MXI1: variants seen among roughly 807,000 people sequenced by gnomAD.
MXI1 encodes MAX interactor 1, dimerization protein.
MXI1 carries 18 observed loss-of-function variants against 36.9 expected under a neutral mutation model. The ratio of observed to expected loss-of-function variants is 0.49; its 90% CI spans 0.34 to 0.72. MXI1 has a LOEUF of 0.72. MXI1 is among the 30% of genes least tolerant of loss of function. The pLI is 0.01. For missense variants in MXI1, 304 were observed against 379.1 expected (o/e 0.80, Z 1.64); for synonymous variants, 160 against 146.7 (o/e 1.09, Z -0.65).
At chr10:110,232,461 G>A (rs918227094) in intron 2 of MXI1, among the ~76,000 whole-genome samples, 7 of 152,208 alleles carry the variant, frequency 4.6e-5, no homozygotes, top group South Asian at 2.1e-4. Context: ...AGTAGATCAG[G>A]TCTTCACATA....
chr10:110,260,026 G>A (rs561930198), intron 3 of MXI1, among the ~76,000 whole-genome samples: 1 of 151,846 alleles, frequency 6.6e-6, no homozygotes, highest in South Asian at 2.1e-4. Flanking sequence ...TTGTTTTGTT[G>A]TTATTTTGGG....
At chr10:110,271,002 T>G (rs112000697) in intron 3 of MXI1, among the ~76,000 whole-genome samples, 8,047 of 151,540 alleles carry the variant, frequency 0.053, 326 homozygotes, top group Middle Eastern at 0.15. Flanking sequence ...TGAGGCAGGA[T>G]AATTGCTTGA....
Position 110,207,700 on chromosome 10 carries a change from GC to G in MXI1, c.-105del. On this transcript the variant is annotated 5_prime_UTR_variant, in exon 1 of 6. Coordinates refer to ENST00000332674, the MANE Select transcript of MXI1 (RefSeq NM_130439.3). ...GCTCGGGAAGTCAGGCCGGCTTTTC[GC>G]CCCGGCGCCTTCTCTGCTCCAGCCG... 1.5e-6 allele frequency: 1 copy of G among 687,254 alleles called. No homozygotes were observed. The highest frequency in any genetic ancestry group is 1.8e-6 in the Non-Finnish European group (1 of 550,578). 42.6% of individuals were successfully genotyped at this position (687,254 alleles called of 1,614,324 possible).
At chr10:110,276,247 A>G (rs545823300) in intron 3 of MXI1, among the ~76,000 whole-genome samples, 2 of 152,272 alleles carry the variant, frequency 1.3e-5, no homozygotes, top group African/African-American at 2.4e-5. Flanking sequence ...CACAAATTCT[A>G]TATTATTCAA....
chr10:110,236,124 CTTTTTTTTTTTTTTTTTTTTT>C (rs60576710), intron 2 of MXI1, among the ~76,000 whole-genome samples: 11 of 33,540 alleles, frequency 3.3e-4, no homozygotes, highest in South Asian at 1.1e-3. Flanking sequence ...GGTTGAAGTT[CTTTTTTTTTTTTTTTTTTTTT>C]TTTTTTTTTT....
chr10:110,210,057 C>G (rs1260737542), intron 1 of MXI1, among the ~76,000 whole-genome samples: 1 of 144,442 alleles, frequency 6.9e-6, no homozygotes, highest in African/African-American at 2.6e-5. Context: ...CCCACCCCGC[C>G]GCCCTGGCCG....
intron 2 of MXI1, among the ~76,000 whole-genome samples, chr10:110,243,827 G>A (rs569907975): frequency 1.3e-5 from 2 of 151,942 alleles, no homozygotes; most frequent in Non-Finnish European, 2.9e-5. Flanking sequence ...TGAGGAAACC[G>A]AGCACAGAGA....
intron 2 of MXI1, among the ~76,000 whole-genome samples, chr10:110,229,442 G>C (rs1855181704): frequency 6.6e-6 from 1 of 152,126 alleles, no homozygotes; most frequent in Non-Finnish European, 1.5e-5. Flanking sequence ...GATTCAGAAA[G>C]CCTGAGGCTT....
chr10:110,271,605 T>C (rs964581611), intron 3 of MXI1, among the ~76,000 whole-genome samples: 2 of 152,154 alleles, frequency 1.3e-5, no homozygotes, highest in Non-Finnish European at 2.9e-5. Context: ...GGTAGAGATA[T>C]TGGCAAGTAT....
chr10:110,262,550 T>C (rs1342254093), intron 3 of MXI1, among the ~76,000 whole-genome samples: 3 of 152,168 alleles, frequency 2.0e-5, no homozygotes, highest in Admixed American at 1.3e-4. Flanking sequence ...GATTTTATTG[T>C]CATAGTTTCT....
chr10:110,246,913 C>T (rs1475728052), intron 3 of MXI1, among the ~76,000 whole-genome samples: 17 of 152,056 alleles, frequency 1.1e-4, no homozygotes, highest in Admixed American at 1.1e-3. Context: ...TTCTGAGGCT[C>T]CTAAAAATAA....
chr10:110,215,532 C>A (rs374333803), intron 1 of MXI1, among the ~76,000 whole-genome samples: 1 of 152,120 alleles, frequency 6.6e-6, no homozygotes, highest in East Asian at 1.9e-4. Context: ...CTACCTGATA[C>A]GAGAATGGGT....
intron 1 of MXI1, among the ~76,000 whole-genome samples, chr10:110,222,962 C>T (rs1004282698): frequency 1.3e-5 from 2 of 152,220 alleles, no homozygotes; most frequent in Admixed American, 1.3e-4. Context: ...TTAGAAAAGG[C>T]TGGAGATTTC....
intron 2 of MXI1, 123 bp downstream of exon 2, chr10:110,228,444 C>G: frequency 2.5e-6 from 3 of 1,196,038 alleles, no homozygotes; most frequent in Non-Finnish European, 3.5e-6. Flanking sequence ...GGATTTGGCC[C>G]TTTTAAAATA....
At chr10:110,250,361 G>A (rs990354676) in intron 3 of MXI1, among the ~76,000 whole-genome samples, 3 of 152,136 alleles carry the variant, frequency 2.0e-5, no homozygotes, top group African/African-American at 7.2e-5. Flanking sequence ...TCATCTCATG[G>A]TAAACTTAAT....
chr10:110,272,229 T>G (rs1248012359), intron 3 of MXI1, among the ~76,000 whole-genome samples: 1 of 152,202 alleles, frequency 6.6e-6, no homozygotes, highest in African/African-American at 2.4e-5. Context: ...CATATCAGAC[T>G]TAGGATTTTT....
Position 110,224,541 on chromosome 10 carries a change from A to G in MXI1, c.275-3648A>G, listed in dbSNP as rs552257576. Among the ~76,000 whole-genome samples the G allele has an allele frequency of 3.9e-5, 6 of 152,302 alleles. No individual in the cohort carries two copies. The South Asian group carries it at 1.0e-3, about 26-fold the overall frequency. On this transcript the variant is annotated intron_variant, in intron 1 of 5. Transcript: ENST00000332674. ...AGGAATTACCCAGATCAAAATGTCA[A>G]TGATGCTAAAGTTGAGAAACCCTGG...
At chr10:110,217,662 A>G (rs1178676024) in intron 1 of MXI1, among the ~76,000 whole-genome samples, 1 of 152,226 alleles carries the variant, frequency 6.6e-6, no homozygotes, top group Non-Finnish European at 1.5e-5. Context: ...AAGTTCAACA[A>G]ATAATTTCTA....
intron 3 of MXI1, among the ~76,000 whole-genome samples, chr10:110,262,280 A>C (rs1472064137): frequency 6.6e-6 from 1 of 152,174 alleles, no homozygotes; most frequent in Non-Finnish European, 1.5e-5. Flanking sequence ...TGAGTATTAT[A>C]AGTAATCTAG....
Sources: gnomAD v4.1 joint callset for allele counts (sites outside exome capture counted in the v4.1 genomes callset) on GRCh38, gnomAD v4.1.1 for gene constraint, MANE v1.5 for transcripts, NCBI Gene and HGNC (gene_info 2026-07-23, HGNC 2026-07-21) for gene names.